Variants in PCDH15 observed in about 807,000 individuals in gnomAD.
PCDH15 encodes the protein protocadherin-15.
Under a neutral mutation model 178.5 loss-of-function variants are expected in PCDH15, and 129 were observed. The ratio of observed to expected loss-of-function variants is 0.72; its 90% CI spans 0.63 to 0.84. PCDH15 has a LOEUF of 0.84. PCDH15 is among the 40% of genes least tolerant of loss of function. The probability of loss-of-function intolerance (pLI) is 0.00; values close to 1 mark genes in which losing one functional copy is unlikely to be tolerated. For missense variants in PCDH15, 2,230 were observed against 2,099.9 expected (o/e 1.06, Z -1.21); for synonymous variants, 800 against 732.0 (o/e 1.09, Z -1.50).
At chr10:55,019,449 T>C (rs1840269718) in intron 2 of PCDH15, among the ~76,000 whole-genome samples, 1 of 151,384 alleles carries the variant, frequency 6.6e-6, no homozygotes. Flanking sequence ...GGACTACCCC[T>C]TTTTTTTTCC....
At chr10:54,487,845 G>A (rs919566956) in intron 3 of PCDH15, among the ~76,000 whole-genome samples, 12 of 151,838 alleles carry the variant, frequency 7.9e-5, no homozygotes, top group Non-Finnish European at 1.8e-4. Context: ...AACTAATATT[G>A]TAATGTCCTA....
intron 2 of PCDH15, among the ~76,000 whole-genome samples, chr10:55,567,419 G>A (rs575919411): frequency 2.0e-5 from 3 of 149,604 alleles, no homozygotes; most frequent in Admixed American, 6.7e-5. Flanking sequence ...AGAGGCAAAC[G>A]GGCTTCACAA....
At chr10:55,514,363 T>C (rs1222324769) in intron 2 of PCDH15, among the ~76,000 whole-genome samples, 1 of 152,168 alleles carries the variant, frequency 6.6e-6, no homozygotes, top group Non-Finnish European at 1.5e-5. Flanking sequence ...TGGTATAGTA[T>C]TGTAGAGGTC....
chr10:53,957,724 A>G (rs994135919), intron 23 of PCDH15, among the ~76,000 whole-genome samples: 9 of 152,214 alleles, frequency 5.9e-5, no homozygotes, highest in Admixed American at 2.6e-4. Context: ...CTCGGGCAAC[A>G]AACTGTGAAA....
intron 18 of PCDH15, among the ~76,000 whole-genome samples, chr10:54,028,504 C>G (rs2093188100): frequency 6.6e-6 from 1 of 151,956 alleles, no homozygotes; most frequent in Non-Finnish European, 1.5e-5. Context: ...TTTATTGTGG[C>G]ATTATTCACG....
chr10:54,477,335 C>T (rs555710978), intron 3 of PCDH15, among the ~76,000 whole-genome samples: 5 of 152,266 alleles, frequency 3.3e-5, no homozygotes, highest in Admixed American at 2.0e-4. Context: ...TAAGCCATTG[C>T]TCAGGAAGCC....
intron 3 of PCDH15, among the ~76,000 whole-genome samples, chr10:54,396,801 A>G (rs1171732619): frequency 6.9e-6 from 1 of 144,456 alleles, no homozygotes; most frequent in African/African-American, 2.9e-5. Context: ...CATAATAACA[A>G]AAGTTCAAAC....
chr10:55,538,552 TCCTC>T (rs1323737280), intron 2 of PCDH15, among the ~76,000 whole-genome samples: 2 of 125,576 alleles, frequency 1.6e-5, no homozygotes, highest in South Asian at 2.9e-4. Context: ...CTTCCTTCCT[TCCTC>T]CTTTCCTTCC....
chr10:55,205,505 G>A (rs1840373217), intron 1 of PCDH15, among the ~76,000 whole-genome samples: 2 of 151,822 alleles, frequency 1.3e-5, no homozygotes, highest in Admixed American at 1.3e-4. Context: ...TATAATATTA[G>A]TTAATAGTCT....
At position 54,209,056 on chromosome 10, in the gene PCDH15, CA is replaced by C. The variant is rs2051128184; in HGVS notation, c.1098+4879del. On this transcript the variant is annotated intron_variant, in intron 10 of 37. Coordinates refer to ENST00000644397, the MANE Select transcript of PCDH15 (RefSeq NM_001384140.1). ...GAATATAACTTATATTTCACATCTC[CA>C]TAACAGATTTAATTAATTTTATTAG... is the stretch of plus-strand genomic sequence containing the variant. 7.2e-5 allele frequency among the ~76,000 whole-genome samples: 11 copies of C among 151,798 alleles called. No individual in the cohort carries two copies. The Admixed American group carries it at 7.2e-4, about 10-fold the overall frequency.
Position 53,889,207 on chromosome 10 carries a change from T to C in PCDH15, c.3501+14036A>G, listed in dbSNP as rs577772972. Reference sequence around the variant, plus strand: ...CAAAAAGTTGCTCAACATGAAAAAATAATAAATTGTATTAAAAGTTTCTGC... The same window carrying C: ...CAAAAAGTTGCTCAACATGAAAAAACAATAAATTGTATTAAAAGTTTCTGC... On this transcript the variant is annotated intron_variant, in intron 26 of 37. Coordinates refer to ENST00000644397, the MANE Select transcript of PCDH15 (RefSeq NM_001384140.1). Among the ~76,000 whole-genome samples, 3 of 151,890 alleles carry C rather than the reference T, an allele frequency of 2.0e-5. No homozygotes were observed. The South Asian group carries it at 6.2e-4, about 32-fold the overall frequency.
At chr10:54,314,161 A>G (rs1181540175) in intron 8 of PCDH15, among the ~76,000 whole-genome samples, 4 of 143,458 alleles carry the variant, frequency 2.8e-5, no homozygotes, top group Admixed American at 7.1e-5. Context: ...ACACACACAC[A>G]CACGCAATAC....
chr10:54,628,174 C>T (rs2093609197), intron 2 of PCDH15, among the ~76,000 whole-genome samples: 1 of 152,104 alleles, frequency 6.6e-6, no homozygotes, highest in Non-Finnish European at 1.5e-5. Flanking sequence ...GTGTAGAAGT[C>T]CCAAGAAACT....
At chr10:53,918,988 C>T (rs1346615458) in intron 25 of PCDH15, among the ~76,000 whole-genome samples, 1 of 152,104 alleles carries the variant, frequency 6.6e-6, no homozygotes, top group Non-Finnish European at 1.5e-5. Context: ...ATTCCTTAAG[C>T]TTAGTGTCCT....
At chr10:54,837,612 G>A (rs534139540) in intron 3 of PCDH15, among the ~76,000 whole-genome samples, 1 of 152,194 alleles carries the variant, frequency 6.6e-6, no homozygotes, top group South Asian at 2.1e-4. Flanking sequence ...CTTTGAACGA[G>A]TCAATCTAAA....
intron 2 of PCDH15, among the ~76,000 whole-genome samples, chr10:55,622,339 A>C (rs557049550): frequency 1.3e-5 from 2 of 151,380 alleles, no homozygotes; most frequent in East Asian, 3.9e-4. Context: ...CAAAACTGAT[A>C]ATTGTACTTC....
intron 1 of PCDH15, among the ~76,000 whole-genome samples, chr10:54,781,026 C>T (rs1950304106): frequency 2.0e-5 from 3 of 152,030 alleles, no homozygotes; most frequent in African/African-American, 7.2e-5. Flanking sequence ...AGAAGTTTAT[C>T]TTGGATTCTA....
chr10:54,496,469 A>G (rs975782454), intron 3 of PCDH15, among the ~76,000 whole-genome samples: 2 of 152,180 alleles, frequency 1.3e-5, no homozygotes, highest in Non-Finnish European at 2.9e-5. Flanking sequence ...TGAAAGAGAG[A>G]AGCTGATACT....
chr10:54,659,118 C>A (rs982560047), intron 2 of PCDH15, among the ~76,000 whole-genome samples: 6 of 152,012 alleles, frequency 3.9e-5, no homozygotes, highest in African/African-American at 1.4e-4. Context: ...TTAATAAAAA[C>A]AACTAGACCT....
Sources: allele counts gnomAD v4.1 joint callset (sites outside exome capture counted in the v4.1 genomes callset), GRCh38; gene constraint gnomAD v4.1.1; transcripts MANE v1.5; gene names NCBI Gene and HGNC (gene_info 2026-07-23, HGNC 2026-07-21).